FTO: variants seen among roughly 807,000 people sequenced by gnomAD.
The protein encoded by FTO is alpha-ketoglutarate-dependent dioxygenase FTO.
Under a neutral mutation model 63.9 loss-of-function variants are expected in FTO, and 47 were observed. That is an observed-to-expected ratio of 0.74 (90% confidence interval 0.58 to 0.94). FTO has a LOEUF of 0.94. Ranked by LOEUF, FTO falls within the 40% of genes least tolerant of loss-of-function variation. The probability of loss-of-function intolerance (pLI) is 0.00; values close to 1 mark genes in which losing one functional copy is unlikely to be tolerated. For synonymous variants in FTO, 207 were observed against 224.4 expected, an observed-to-expected ratio of 0.92 and a Z score of 0.69; for missense variants, 562 against 618.1, an observed-to-expected ratio of 0.91 and a Z score of 0.96.
intron 8 of FTO, among the ~76,000 whole-genome samples, chr16:53,984,321 C>CCTTTTTTTTTTTTTTTTTT (rs1555500067): frequency 1.5e-5 from 1 of 67,290 alleles, no homozygotes. Context: ...TGGAATGGGT[C>CCTTTTTTTTTTTTTTTTTT]TTTTTTTTTT....
At chr16:53,799,663 T>C (rs2078168197) in intron 1 of FTO, among the ~76,000 whole-genome samples, 1 of 152,182 alleles carries the variant, frequency 6.6e-6, no homozygotes, top group African/African-American at 2.4e-5. Context: ...CCTCATCCTC[T>C]GAGCTACATC....
intron 8 of FTO, among the ~76,000 whole-genome samples, chr16:53,945,525 C>G (rs1234179432): frequency 6.6e-6 from 1 of 152,200 alleles, no homozygotes; most frequent in Non-Finnish European, 1.5e-5. Flanking sequence ...GGATCCTTCT[C>G]AGTGTGGAGA....
intron 1 of FTO, among the ~76,000 whole-genome samples, chr16:53,721,694 A>G (rs1290724091): frequency 2.0e-5 from 3 of 152,192 alleles, no homozygotes; most frequent in African/African-American, 7.2e-5. Context: ...ATTGCTAACC[A>G]CTATCCAAAT....
At chr16:54,001,034 C>T (rs79966043) in intron 8 of FTO, among the ~76,000 whole-genome samples, 1,826 of 152,246 alleles carry the variant, frequency 0.012, 19 homozygotes, top group Non-Finnish European at 0.018. Context: ...CTTTTCACTT[C>T]GGAGTTTGGC....
chr16:53,721,185 T>G (rs2076031569), intron 1 of FTO, among the ~76,000 whole-genome samples: 1 of 152,190 alleles, frequency 6.6e-6, no homozygotes, highest in Non-Finnish European at 1.5e-5. Context: ...CCCAGTTTAC[T>G]CGGGGTGACC....
At chr16:53,910,737 T>C (rs2081668314) in intron 7 of FTO, among the ~76,000 whole-genome samples, 1 of 152,158 alleles carries the variant, frequency 6.6e-6, no homozygotes, top group African/African-American at 2.4e-5. Flanking sequence ...GGTTTCGCCA[T>C]GTTGGCCAGG....
chr16:53,969,428 A>G (rs1206843251), intron 8 of FTO, among the ~76,000 whole-genome samples: 1 of 152,150 alleles, frequency 6.6e-6, no homozygotes, highest in Non-Finnish European at 1.5e-5. Flanking sequence ...TCAGACATGT[A>G]GACTAGAAAA....
At chr16:53,869,817 C>CA (rs1382969674) in intron 4 of FTO, among the ~76,000 whole-genome samples, 1 of 151,694 alleles carries the variant, frequency 6.6e-6, no homozygotes, top group East Asian at 1.9e-4. Flanking sequence ...ATCATAGTTT[C>CA]AAAAACATTT....
intron 7 of FTO, 114 bp downstream of exon 7, chr16:53,889,065 G>A (rs1351917369): frequency 2.4e-6 from 3 of 1,255,652 alleles, no homozygotes; most frequent in Admixed American, 1.7e-5. Context: ...TATCAAGTTA[G>A]ATTCTTCTTG....
At chr16:54,028,390 C>G (rs2084761258) in intron 8 of FTO, among the ~76,000 whole-genome samples, 1 of 152,194 alleles carries the variant, frequency 6.6e-6, no homozygotes, top group East Asian at 1.9e-4. Flanking sequence ...GTTCAGCTCT[C>G]ATGAACCTGC....
intron 8 of FTO, among the ~76,000 whole-genome samples, chr16:54,000,509 A>G (rs2084041888): frequency 6.6e-6 from 1 of 152,162 alleles, no homozygotes; most frequent in Non-Finnish European, 1.5e-5. Flanking sequence ...GTGGAATCAT[A>G]CTAACATTTT....
At chr16:53,872,662 A>G (rs1238915065) in intron 4 of FTO, among the ~76,000 whole-genome samples, 2 of 152,212 alleles carry the variant, frequency 1.3e-5, no homozygotes, top group African/African-American at 2.4e-5. Flanking sequence ...CACAATATTC[A>G]TAAGCAGAAA....
intron 7 of FTO, among the ~76,000 whole-genome samples, chr16:53,933,490 C>T (rs1363838682): frequency 6.6e-6 from 1 of 152,150 alleles, no homozygotes; most frequent in Non-Finnish European, 1.5e-5. Context: ...AATCTTCCCC[C>T]TTCTTCCCCC....
intron 7 of FTO, among the ~76,000 whole-genome samples, chr16:53,921,528 C>T (rs992980650): frequency 2.0e-5 from 3 of 152,058 alleles, no homozygotes; most frequent in Non-Finnish European, 2.9e-5. Flanking sequence ...TTAGAAGTAG[C>T]GTCTGGGAAT....
At chr16:53,978,035 A>AT (rs1277921444) in intron 8 of FTO, among the ~76,000 whole-genome samples, 20 of 151,458 alleles carry the variant, frequency 1.3e-4, no homozygotes, top group East Asian at 5.9e-4. Context: ...TTTTAAAAAA[A>AT]TTTTTTTTGT....
At chr16:54,015,346 A>G (rs1567517751) in intron 8 of FTO, among the ~76,000 whole-genome samples, 2 of 152,162 alleles carry the variant, frequency 1.3e-5, no homozygotes, top group Non-Finnish European at 2.9e-5. Flanking sequence ...CGTCACCTAC[A>G]CAAACAGAGT....
intron 2 of FTO, among the ~76,000 whole-genome samples, chr16:53,817,639 A>G (rs1195038107): frequency 6.6e-6 from 1 of 152,130 alleles, no homozygotes; most frequent in Non-Finnish European, 1.5e-5. Context: ...GCCTCTGGTA[A>G]ACTGGTATCT....
rs145858867 is a variant in FTO, at chr16:53,895,120, A to T, written c.1239+6169A>T. On this transcript the variant is annotated intron_variant, in intron 7 of 8. Coordinates refer to ENST00000471389, the MANE Select transcript of FTO (RefSeq NM_001080432.3). ...CCACTCTAATTCCCCACCCACTCCA[A>T]TTCCCCACAGCTATATTGTTCTATT... 4.6e-3 allele frequency among the ~76,000 whole-genome samples: 701 copies of T among 152,208 alleles called. 3 individuals carry two copies. The highest frequency in any genetic ancestry group is 7.1e-3 in the Non-Finnish European group (486 of 67,996).
intron 7 of FTO, among the ~76,000 whole-genome samples, chr16:53,924,817 G>C (rs981506792): frequency 6.6e-6 from 1 of 152,140 alleles, no homozygotes. Context: ...AGAAGGGCTG[G>C]GAGGAATGTT....
Sources: gnomAD v4.1 joint callset for allele counts (sites outside exome capture counted in the v4.1 genomes callset) on GRCh38, gnomAD v4.1.1 for gene constraint, MANE v1.5 for transcripts, NCBI Gene and HGNC (gene_info 2026-07-23, HGNC 2026-07-21) for gene names.